LRFN5: variants seen among roughly 807,000 people sequenced by gnomAD.
The protein encoded by LRFN5 is leucine-rich repeat and fibronectin type-III domain-containing protein 5.
A neutral mutation model predicts 45.6 loss-of-function variants in LRFN5; 24 were observed. The ratio of observed to expected loss-of-function variants is 0.53; its 90% CI spans 0.38 to 0.74. The LOEUF is 0.74. Among genes scored for constraint, LRFN5 ranks in the 30% least tolerant of loss-of-function variants. LRFN5 has a pLI of 0.00. For synonymous variants in LRFN5, 340 were observed against 313.8 expected (o/e 1.08, Z -0.88); for missense variants, 776 against 861.5 (o/e 0.90, Z 1.24).
At chr14:41,825,308 C>T (rs762463592) in intron 2 of LRFN5, among the ~76,000 whole-genome samples, 8 of 152,130 alleles carry the variant, frequency 5.3e-5, no homozygotes, top group Non-Finnish European at 1.0e-4. Context: ...GTCCCCCTCT[C>T]CATGTTTATG....
At chr14:41,609,315 G>C (rs774674202) in intron 1 of LRFN5, among the ~76,000 whole-genome samples, 4 of 151,578 alleles carry the variant, frequency 2.6e-5, no homozygotes, top group Non-Finnish European at 5.9e-5. Context: ...TCCTTTGCGC[G>C]TTTTTTTGTT....
intron 2 of LRFN5, among the ~76,000 whole-genome samples, chr14:41,791,747 T>C (rs967199481): frequency 4.6e-5 from 7 of 152,242 alleles, no homozygotes; most frequent in Middle Eastern, 6.8e-3. Flanking sequence ...TAATCTCAAC[T>C]TTCAGGTAAT....
chr14:41,746,311 G>A (rs1448163159), intron 1 of LRFN5, among the ~76,000 whole-genome samples: 2 of 151,814 alleles, frequency 1.3e-5, no homozygotes, highest in East Asian at 3.9e-4. Flanking sequence ...ATCTTTTCCT[G>A]ATACAAAACA....
chr14:41,895,023 T>C, intron 4 of LRFN5: 1 of 983,792 alleles, frequency 1.0e-6, no homozygotes, highest in Non-Finnish European at 1.2e-6. Context: ...TTTGTCATTT[T>C]GCATTATAGT....
chr14:41,796,625 C>T (rs1434670056), intron 2 of LRFN5, among the ~76,000 whole-genome samples: 1 of 151,794 alleles, frequency 6.6e-6, no homozygotes, highest in African/African-American at 2.4e-5. Flanking sequence ...ATTATATTAG[C>T]AATTAATTAG....
chr14:41,810,130 A>G (rs1407025718), intron 2 of LRFN5, among the ~76,000 whole-genome samples: 1 of 152,110 alleles, frequency 6.6e-6, no homozygotes, highest in African/African-American at 2.4e-5. Flanking sequence ...TTTATGACAT[A>G]ATTGTAGACC....
intron 1 of LRFN5, among the ~76,000 whole-genome samples, chr14:41,650,661 T>C (rs1170363640): frequency 6.6e-6 from 1 of 152,124 alleles, no homozygotes; most frequent in Non-Finnish European, 1.5e-5. Context: ...AAATTACATA[T>C]TTATGTAGAT....
intron 1 of LRFN5, among the ~76,000 whole-genome samples, chr14:41,761,628 A>AG (rs2138870351): frequency 6.6e-6 from 1 of 152,284 alleles, no homozygotes; most frequent in South Asian, 2.1e-4. Flanking sequence ...ATGAAGTCAA[A>AG]GGACCACTCT....
At chr14:41,731,411 C>T (rs1884171919) in intron 1 of LRFN5, 1 of 152,090 alleles carries the variant, frequency 6.6e-6, no homozygotes, top group Non-Finnish European at 1.5e-5. Context: ...TAACTCTTCA[C>T]TGATATTATC....
chr14:41,645,137 C>A (rs992873981), intron 1 of LRFN5, among the ~76,000 whole-genome samples: 2 of 152,170 alleles, frequency 1.3e-5, no homozygotes, highest in African/African-American at 4.8e-5. Flanking sequence ...ACTTATTTCA[C>A]AGTCTGGTTG....
intron 2 of LRFN5, among the ~76,000 whole-genome samples, chr14:41,789,761 T>C (rs1886852569): frequency 6.6e-6 from 1 of 152,024 alleles, no homozygotes; most frequent in South Asian, 2.1e-4. Flanking sequence ...TTTCTGTATC[T>C]GCTAAGATAA....
intron 2 of LRFN5, among the ~76,000 whole-genome samples, chr14:41,884,448 C>A (rs927986406): frequency 6.6e-6 from 1 of 152,054 alleles, no homozygotes; most frequent in African/African-American, 2.4e-5. Context: ...GTGCTGGACA[C>A]CTCTTAACCT....
intron 2 of LRFN5, among the ~76,000 whole-genome samples, chr14:41,787,779 A>G (rs1176200981): frequency 6.7e-6 from 1 of 149,418 alleles, no homozygotes; most frequent in Non-Finnish European, 1.5e-5. Flanking sequence ...TTTATTTTTT[A>G]TTTTTATGAT....
chr14:41,746,540 G>A (rs1453326359), intron 1 of LRFN5, among the ~76,000 whole-genome samples: 11 of 151,968 alleles, frequency 7.2e-5, no homozygotes, highest in Admixed American at 2.6e-4. Context: ...ATATCTCATT[G>A]TAGATTTTAT....
rs1471991056 is a variant in LRFN5, at chr14:41,891,438, T to G, written c.1574T>G (p.Leu525Trp). The G allele has an allele frequency of 6.2e-7, 1 of 1,614,138 alleles. No homozygotes were observed. Among genetic ancestry groups the G allele is most frequent in the Non-Finnish European group, 8.5e-7 (1 of 1,180,022 alleles). The change falls in exon 4 of 6, where the codon TTG becomes TGG. Residue 525 changes from leucine to tryptophan, a missense_variant. By Grantham distance (61) the Leu-to-Trp change is moderately conservative. Coordinates refer to ENST00000298119, the MANE Select transcript of LRFN5 (RefSeq NM_152447.5). Reference sequence around the variant, plus strand: ...TGCCATTTCATGCAGTCTCAGTTTTTGGGAGGCACCATGATTATTATTATT... The same window carrying G: ...TGCCATTTCATGCAGTCTCAGTTTTGGGGAGGCACCATGATTATTATTATT... The part of the protein sequence containing the change: ...VRCHFMQSQF[L>W]GGTMIIIIGG...
chr14:41,767,282 C>T (rs1332847707), intron 2 of LRFN5, among the ~76,000 whole-genome samples: 3 of 151,496 alleles, frequency 2.0e-5, no homozygotes, highest in Non-Finnish European at 4.4e-5. Context: ...GTTTCACATG[C>T]ATTATCATAA....
intron 1 of LRFN5, among the ~76,000 whole-genome samples, chr14:41,622,943 G>T (rs1888185981): frequency 1.3e-5 from 2 of 151,972 alleles, no homozygotes; most frequent in Admixed American, 6.6e-5. Flanking sequence ...AAGCTTATAT[G>T]AGACAAAAAC....
chr14:41,634,844 C>T lies in LRFN5; in HGVS notation c.-197+26282C>T, dbSNP rs147067042. ...TTTGCTTTTACATACACTGGATCAACATTCTTTTAAATTATTCTTAAATAT... is the reference window on the plus strand; with the variant it reads ...TTTGCTTTTACATACACTGGATCAATATTCTTTTAAATTATTCTTAAATAT... On this transcript the variant is annotated intron_variant, in intron 1 of 5. Transcript: ENST00000298119. 4.9e-3 allele frequency among the ~76,000 whole-genome samples: 740 copies of T among 152,178 alleles called. 6 individuals carry two copies. The highest frequency in any genetic ancestry group is 0.017 in the African/African-American group (711 of 41,546).
chr14:41,658,725 TTTTCTTCTTG>T (rs1880491653), intron 1 of LRFN5, among the ~76,000 whole-genome samples: 1 of 152,008 alleles, frequency 6.6e-6, no homozygotes, highest in African/African-American at 2.4e-5. Context: ...CACTGATTAT[TTTTCTTCTTG>T]AAGAAGTGAA....
Sources: gnomAD v4.1 joint callset for allele counts (sites outside exome capture counted in the v4.1 genomes callset) on GRCh38, gnomAD v4.1.1 for gene constraint, MANE v1.5 for transcripts, NCBI Gene and HGNC (gene_info 2026-07-23, HGNC 2026-07-21) for gene names.